COL4A6: variants seen among roughly 807,000 people sequenced by gnomAD.
COL4A6 encodes collagen alpha-6(IV) chain.
In COL4A6, 59 loss-of-function variants were observed where a neutral mutation model predicts 126.7. The observed-to-expected ratio is 0.47, with a 90% CI of 0.38 to 0.58. The LOEUF (loss-of-function observed/expected upper bound fraction) is 0.58, where lower values mean the gene tolerates loss of function less well. Among genes scored for constraint, COL4A6 ranks in the 20% least tolerant of loss-of-function variants. The pLI is 0.00. For missense variants in COL4A6, 1,285 were observed against 1,337.3 expected (o/e 0.96, Z 0.61); for synonymous variants, 547 against 496.6 (o/e 1.10, Z -1.35).
chrX:108,156,817 G>C lies in COL4A6; in HGVS notation c.*183C>G. 1 of 483,484 alleles carries C rather than the reference G, an allele frequency of 2.1e-6. No individual in the cohort carries two copies. The highest frequency in any genetic ancestry group is 3.6e-6 in the Non-Finnish European group (1 of 276,624). 39.8% of individuals were successfully genotyped at this position (483,484 alleles called of 1,213,427 possible). A position where few individuals can be genotyped will look rare whatever the true frequency, so the allele number is the denominator to read the frequency against. On this transcript the variant is annotated 3_prime_UTR_variant, in exon 45 of 45. Transcript: ENST00000334504. ...AGGACAGCAGATCTCAGCAGGGTGGGCTCATCTCTATGGACCCGAGGGCTG... is the reference window on the plus strand; with the variant it reads ...AGGACAGCAGATCTCAGCAGGGTGGCCTCATCTCTATGGACCCGAGGGCTG...
chrX:108,340,844 G>A (rs1345546260), intron 2 of COL4A6, among the ~76,000 whole-genome samples: 1 of 78,765 alleles, frequency 1.3e-5, no homozygotes, highest in Non-Finnish European at 2.3e-5. Flanking sequence ...GGGGTGGGGG[G>A]GGGGAATGGA....
intron 2 of COL4A6, among the ~76,000 whole-genome samples, chrX:108,385,525 G>T (rs2040666289): frequency 9.0e-6 from 1 of 110,990 alleles, no homozygotes; most frequent in Admixed American, 9.6e-5. Context: ...TTGGTTTCCA[G>T]ATTAACCAAA....
chrX:108,181,016 G>T (rs1465203466), intron 23 of COL4A6, 48 bp from the exon 24 acceptor site: 1 of 1,044,836 alleles, frequency 9.6e-7, no homozygotes, highest in Non-Finnish European at 1.3e-6. Context: ...AGTTAGGGAA[G>T]ATTTCTCCCT....
At chrX:108,380,214 T>C (rs2040533434) in intron 2 of COL4A6, among the ~76,000 whole-genome samples, 1 of 112,775 alleles carries the variant, frequency 8.9e-6, no homozygotes, top group Non-Finnish European at 1.9e-5. Flanking sequence ...GCCTATTTTT[T>C]ACTTTTGTGA....
rs1382610960 is a variant in COL4A6 at position 108,178,984 on chromosome X, TCTTTG to T, written c.2354-144_2354-140del. The stretch of plus-strand genomic sequence containing the variant: ...GTTGCTATTCCCAGCCGTAACCCAG[TCTTTG>T]CAAGAAATTTGACTATTAGTTATGG... On this transcript the variant is annotated intron_variant, in intron 26 of 44. Transcript: ENST00000334504. The T allele has an allele frequency of 6.4e-6, 5 of 777,671 alleles. No homozygotes were observed. In the African/African-American group the frequency reaches 8.5e-5, roughly 13 times the overall value. The allele number at this position is 777,671 out of a possible 1,213,427, so 64.1% of individuals were successfully genotyped here.
intron 2 of COL4A6, among the ~76,000 whole-genome samples, chrX:108,311,919 G>T (rs748339976): frequency 8.9e-6 from 1 of 111,804 alleles, no homozygotes; most frequent in African/African-American, 3.3e-5. Context: ...ACTCGGGTCT[G>T]ACTAACTCCA....
At chrX:108,228,535 A>G (rs760698557) in intron 3 of COL4A6, among the ~76,000 whole-genome samples, 1 of 112,604 alleles carries the variant, frequency 8.9e-6, no homozygotes, top group Admixed American at 9.4e-5. Flanking sequence ...AGATAAGGTC[A>G]TTGCATTAAA....
intron 2 of COL4A6, among the ~76,000 whole-genome samples, chrX:108,398,133 C>T (rs972034881): frequency 3.6e-5 from 4 of 112,119 alleles, no homozygotes; most frequent in Admixed American, 9.5e-5. Context: ...AAAAAGTACT[C>T]GCCCCACCCT....
rs34740537 is a variant in COL4A6 at position 108,190,439 on chromosome X, C to T, written c.1379G>A (p.Arg460Gln). 10,463 of 1,205,604 alleles carry T rather than the reference C, an allele frequency of 8.7e-3. 41 individuals are homozygous for T. Among genetic ancestry groups the T allele is most frequent in the Non-Finnish European group, 0.011 (9,695 of 892,202 alleles). Residue 460 changes from arginine (R) to glutamine (Q), a missense_variant, in exon 20 of 45, where the codon CGA becomes CAA. Transcript: ENST00000334504. ...GTTTCCTTTTGGACCTTGTTCTCCT[C>T]GGAGACCAGGGAACCCTGACTCTTT... ...HNKESGFPGLRGEQGPKGNLG... is the reference protein window; with the variant it reads ...HNKESGFPGLQGEQGPKGNLG...
chrX:108,302,647 C>G (rs756096194), intron 3 of COL4A6, among the ~76,000 whole-genome samples: 1 of 110,680 alleles, frequency 9.0e-6, no homozygotes, highest in Admixed American at 9.6e-5. Flanking sequence ...AAGGAAACAT[C>G]AATATCTCTG....
At chrX:108,306,070 A>C (rs1428193287) in intron 3 of COL4A6, among the ~76,000 whole-genome samples, 1 of 112,245 alleles carries the variant, frequency 8.9e-6, no homozygotes, top group Non-Finnish European at 1.9e-5. Flanking sequence ...AAGTGGGATG[A>C]GGACAGAATG....
intron 3 of COL4A6, among the ~76,000 whole-genome samples, chrX:108,226,898 G>A (rs1028165095): frequency 3.6e-5 from 4 of 111,328 alleles, no homozygotes; most frequent in African/African-American, 9.8e-5. Context: ...CTCATCTCTC[G>A]CCTGGAGTGT....
At chrX:108,422,140 C>T (rs745792087) in intron 2 of COL4A6, among the ~76,000 whole-genome samples, 30 of 111,567 alleles carry the variant, frequency 2.7e-4, no homozygotes, top group African/African-American at 9.8e-4. Context: ...CTTAGGAAGG[C>T]TGAGATGGGA....
chrX:108,250,438 T>C (rs891262359), intron 3 of COL4A6, among the ~76,000 whole-genome samples: 1 of 111,267 alleles, frequency 9.0e-6, no homozygotes, highest in African/African-American at 3.3e-5. Flanking sequence ...AAATAATTAA[T>C]TCTAGCCCCC....
intron 3 of COL4A6, among the ~76,000 whole-genome samples, chrX:108,267,190 G>A (rs2037327858): frequency 1.8e-5 from 2 of 111,618 alleles, no homozygotes; most frequent in Admixed American, 9.5e-5. Context: ...GTAAGTCTTT[G>A]TCACCTAACA....
intron 2 of COL4A6, among the ~76,000 whole-genome samples, chrX:108,393,297 A>G (rs765415741): frequency 1.8e-5 from 2 of 112,713 alleles, no homozygotes; most frequent in Non-Finnish European, 3.8e-5. Context: ...ATATTATTCA[A>G]CCATAAAAAG....
rs1359090230 is a variant in COL4A6 at position 108,361,053 on chromosome X, GCAAACATCGATTTAC to G, written c.64-50240_64-50226del. ...TCATGATGATAGTCTACAGGATATT[GCAAACATCGATTTAC>G]CATTTTTAATTTTGTGGAAACCAGT... On this transcript the variant is annotated intron_variant, in intron 2 of 44. Coordinates refer to ENST00000334504, the MANE Select transcript of COL4A6 (RefSeq NM_033641.4). Among the ~76,000 whole-genome samples the G allele has an allele frequency of 7.2e-5, 8 of 111,094 alleles. No homozygotes were observed. In the Admixed American group the frequency reaches 7.7e-4, roughly 11 times the overall value.
At chrX:108,168,771 G>A (rs1447909040) in intron 37 of COL4A6, among the ~76,000 whole-genome samples, 2 of 111,906 alleles carry the variant, frequency 1.8e-5, no homozygotes, top group Middle Eastern at 4.2e-3. Context: ...GCTTGAATTT[G>A]AACCCAGCTA....
chrX:108,180,402 A>G, intron 25 of COL4A6, 113 bp downstream of exon 25: 1 of 629,230 alleles, frequency 1.6e-6, no homozygotes, highest in Non-Finnish European at 2.5e-6. Flanking sequence ...CAGAGAGCAA[A>G]CTTGGCTTCC....
Sources: allele counts gnomAD v4.1 joint callset (sites outside exome capture counted in the v4.1 genomes callset), GRCh38; gene constraint gnomAD v4.1.1; transcripts MANE v1.5; gene names NCBI Gene and HGNC (gene_info 2026-07-23, HGNC 2026-07-21).